Variants in SLC34A2 observed in about 807,000 individuals in gnomAD.
SLC34A2 encodes solute carrier family 34 member 2.
A neutral mutation model predicts 50.8 loss-of-function variants in SLC34A2; 41 were observed. The observed-to-expected ratio is 0.81, with a 90% confidence interval of 0.63 to 1.05. The LOEUF (loss-of-function observed/expected upper bound fraction) is 1.05. Among genes scored for constraint, SLC34A2 ranks in the 50% least tolerant of loss-of-function variants. The pLI, the probability that SLC34A2 is intolerant of heterozygous loss-of-function variation, is 0.00. For synonymous variants in SLC34A2, 401 were observed against 364.2 expected (o/e 1.10, Z -1.15); for missense variants, 879 against 876.7 (o/e 1.00, Z -0.03).
chr4:25,663,187 C>T (rs1325124754), intron 3 of SLC34A2, among the ~76,000 whole-genome samples: 1 of 152,078 alleles, frequency 6.6e-6, no homozygotes, highest in Admixed American at 6.6e-5. Flanking sequence ...AACTCCTGAC[C>T]TCGTGATCCA....
chr4:25,669,594 T>C, intron 6 of SLC34A2, 53 bp from the exon 7 acceptor site: 1 of 1,549,518 alleles, frequency 6.5e-7, no homozygotes, highest in African/African-American at 1.4e-5. Flanking sequence ...CCACCTCACA[T>C]GGTGCCCACT....
chr4:25,664,580 C>T (rs193065645), intron 4 of SLC34A2, among the ~76,000 whole-genome samples: 4 of 152,314 alleles, frequency 2.6e-5, no homozygotes, highest in South Asian at 2.1e-4. Context: ...CCAAGCTATC[C>T]GCCAGTTGAG....
intron 5 of SLC34A2, 138 bp downstream of exon 5, chr4:25,666,409 C>T (rs1577495550): frequency 1.0e-6 from 1 of 965,630 alleles, no homozygotes; most frequent in South Asian, 1.7e-5. Context: ...GCCCCAGCTA[C>T]AATGTGTTTC....
rs62409403 is a variant in SLC34A2 at position 25,662,417 on chromosome 4, A to C, written c.-3-81A>C. The stretch of plus-strand genomic sequence containing the variant: ...AACCCCCACCCAGTTGATGCTTTGC[A>C]ACCAATGGTTCTTCCTCTTATAGCA... On this transcript the variant is annotated intron_variant, in intron 1 of 12. Transcript: ENST00000382051. 3.3e-3 allele frequency: 4,303 copies of C among 1,306,638 alleles called. 8 individuals are homozygous for C. Among genetic ancestry groups the C allele is most frequent in the Non-Finnish European group, 4.3e-3 (3,972 of 913,568 alleles). 80.9% of individuals were successfully genotyped at this position (1,306,638 alleles called of 1,614,324 possible).
At position 25,674,289 on chromosome 4, in the gene SLC34A2, C is replaced by T. The variant is rs200506187; in HGVS notation, c.1217-7C>T. 5 of 1,611,708 alleles carry T rather than the reference C, an allele frequency of 3.1e-6. No homozygotes were observed. The highest frequency in any genetic ancestry group is 2.2e-5 in the East Asian group (1 of 44,870). ...AGGCCATGACATCTCTTCCTTCTGT[C>T]TTCCAGATTTCCCCTTTCCCTTTGC... On this transcript the variant is annotated splice_region_variant and splice_polypyrimidine_tract_variant and intron_variant, in intron 10 of 12. Coordinates refer to ENST00000382051, the MANE Select transcript of SLC34A2 (RefSeq NM_006424.3).
chr4:25,673,379 A>G, intron 10 of SLC34A2, 125 bp downstream of exon 10: 1 of 943,810 alleles, frequency 1.1e-6, no homozygotes, highest in Non-Finnish European at 1.7e-6. Context: ...GATCAGCACC[A>G]GAAGTGAGGA....
Position 25,676,866 on chromosome 4 carries a change from G to A in SLC34A2, c.*117G>A. The A allele has an allele frequency of 7.0e-7, 1 of 1,431,594 alleles. No homozygotes were observed. Among genetic ancestry groups the A allele is most frequent in the Non-Finnish European group, 9.6e-7 (1 of 1,036,890 alleles). The allele number at this position is 1,431,594 out of a possible 1,614,324, so 88.7% of individuals were successfully genotyped here. A position where few individuals can be genotyped will look rare whatever the true frequency, so the allele number is the denominator to read the frequency against. On this transcript the variant is annotated 3_prime_UTR_variant, in exon 13 of 13. Coordinates refer to ENST00000382051, the MANE Select transcript of SLC34A2 (RefSeq NM_006424.3). ...GGAGATTTGCTCCCCATTAGCGAAT[G>A]AAATTGATGCAGTCCTACCTAACTC...
In SLC34A2 at chr4:25,660,326, T is replaced by G. The variant is rs577966000; in HGVS notation, c.-3-2172T>G. On this transcript the variant is annotated intron_variant, in intron 1 of 12. Coordinates refer to ENST00000382051, the MANE Select transcript of SLC34A2 (RefSeq NM_006424.3). ...GTGATCAGAGTAAGTTAGGTATTTC[T>G]GAATTTCTGAGAGGAAATATTCCTA... 4.0e-4 allele frequency among the ~76,000 whole-genome samples: 61 copies of G among 152,336 alleles called. 1 individual carries two copies. In the South Asian group the frequency reaches 0.013, roughly 32 times the overall value.
chr4:25,665,636 C>G (rs1714456499), intron 4 of SLC34A2, among the ~76,000 whole-genome samples: 1 of 152,112 alleles, frequency 6.6e-6, no homozygotes, highest in African/African-American at 2.4e-5. Flanking sequence ...AATAACTCTC[C>G]CAGCATTCAA....
chr4:25,668,641 A>C (rs10805256), intron 6 of SLC34A2, among the ~76,000 whole-genome samples: 76 of 92,440 alleles, frequency 8.2e-4, no homozygotes, highest in African/African-American at 1.4e-3. Context: ...GACTCCATCT[A>C]AAAAAAAAAA....
intron 5 of SLC34A2, 110 bp downstream of exon 5, chr4:25,666,381 C>T: frequency 8.0e-7 from 1 of 1,255,194 alleles, no homozygotes; most frequent in South Asian, 1.4e-5. Context: ...GGCCTTGCCA[C>T]CATTGTCTTG....
intron 3 of SLC34A2, 95 bp from the exon 4 acceptor site, chr4:25,664,107 G>T: frequency 8.1e-7 from 1 of 1,238,274 alleles, no homozygotes; most frequent in South Asian, 1.2e-5. Context: ...AGGGGAGGTC[G>T]GGGGAGCTCT....
At chr4:25,673,277 T>C in intron 10 of SLC34A2, 23 bp downstream of exon 10, 2 of 1,060,474 alleles carry the variant, frequency 1.9e-6, no homozygotes, top group Non-Finnish European at 2.5e-6. Context: ...CCCTCACTTG[T>C]AGGCCTCACA....
At chr4:25,670,963 A>G (rs878953829) in intron 8 of SLC34A2, 130 bp downstream of exon 8, 13 of 769,706 alleles carry the variant, frequency 1.7e-5, no homozygotes, top group South Asian at 1.7e-4. Context: ...TGAAAAATCA[A>G]AAGTGACCAG....
At position 25,659,944 on chromosome 4, in the gene SLC34A2, A is replaced by G. The variant is rs1714092288; in HGVS notation, c.-3-2554A>G. ...GTTGAGATGATGCTGTGAATGGGAA[A>G]AAGAAGTGCTTTAGATGTGAAGTTT... On this transcript the variant is annotated intron_variant, in intron 1 of 12. Coordinates refer to ENST00000382051, the MANE Select transcript of SLC34A2 (RefSeq NM_006424.3). Among the ~76,000 whole-genome samples the G allele has an allele frequency of 2.6e-5, 4 of 152,222 alleles. No individual in the cohort carries two copies. The South Asian group carries it at 8.3e-4, about 32-fold the overall frequency.
intron 9 of SLC34A2, 150 bp downstream of exon 9, chr4:25,671,871 A>T (rs1714836749): frequency 3.5e-6 from 4 of 1,136,324 alleles, no homozygotes; most frequent in Non-Finnish European, 4.0e-6. Flanking sequence ...ATGCTTTCAC[A>T]GCAGAGGAAA....
At chr4:25,673,001 G>A in intron 9 of SLC34A2, 86 bp from the exon 10 acceptor site, 1 of 1,435,206 alleles carries the variant, frequency 7.0e-7, no homozygotes, top group Non-Finnish European at 9.8e-7. Flanking sequence ...CTGTTTGTAG[G>A]AAAGACAGGA....
At position 25,669,958 on chromosome 4, in the gene SLC34A2, C is replaced by T. The variant is rs147720388; in HGVS notation, c.831+116C>T. 567 of 1,006,726 alleles carry T rather than the reference C, an allele frequency of 5.6e-4. 4 individuals carry two copies. In the African/African-American group the frequency reaches 8.1e-3, roughly 14 times the overall value. 62.4% of individuals were successfully genotyped at this position (1,006,726 alleles called of 1,614,324 possible). A position where few individuals can be genotyped will look rare whatever the true frequency, so the allele number is the denominator to read the frequency against. On this transcript the variant is annotated intron_variant, in intron 7 of 12. Transcript: ENST00000382051. ...CTATTCTGGGCCTGGCATGGTGGCT[C>T]ACCCTTGTTTTCCCAGCACTTTGGG...
Position 25,669,648 on chromosome 4 carries a change from G to T in SLC34A2, c.637G>T (p.Ala213Ser). 1 of 1,613,768 alleles carries T rather than the reference G, an allele frequency of 6.2e-7. No homozygotes were observed. Reference sequence around the variant, plus strand: ...GCTGTCGGGGTTTCCCTCCCATAGAGCTTTTGCAGGAGCCACTGTCCATGA... The same window carrying T: ...GCTGTCGGGGTTTCCCTCCCATAGATCTTTTGCAGGAGCCACTGTCCATGA... ...QVGDRSEFRR[A>S]FAGATVHDFF... Residue 213 changes from alanine (A) to serine (S), a missense_variant and splice_region_variant, in exon 7 of 13, where the codon GCT (alanine) becomes TCT (serine). By Grantham distance (99) the Ala-to-Ser change is moderately conservative (BLOSUM62 1). Coordinates refer to ENST00000382051, the MANE Select transcript of SLC34A2 (RefSeq NM_006424.3).
Sources: gnomAD v4.1 joint callset for allele counts (sites outside exome capture counted in the v4.1 genomes callset) on GRCh38, gnomAD v4.1.1 for gene constraint, MANE v1.5 for transcripts, NCBI Gene and HGNC (gene_info 2026-07-23, HGNC 2026-07-21) for gene names.